BMPR2: variants seen among roughly 807,000 people sequenced by gnomAD.
BMPR2 encodes bone morphogenetic protein receptor type 2.
BMPR2 carries 29 observed loss-of-function variants against 100.8 expected under a neutral mutation model. The observed-to-expected ratio is 0.29, with a 90% CI of 0.21 to 0.39. The LOEUF is 0.39. BMPR2 is among the 10% of genes least tolerant of loss of function. The pLI, the probability that BMPR2 is intolerant of heterozygous loss-of-function variation, is 1.00. For synonymous variants in BMPR2, 382 were observed against 442.3 expected (o/e 0.86, Z 1.71); for missense variants, 1,011 against 1,274.5 (o/e 0.79, Z 3.15).
At chr2:202,480,953 TAAAAAAAA>T (rs71035011) in intron 3 of BMPR2, among the ~76,000 whole-genome samples, 2 of 43,348 alleles carry the variant, frequency 4.6e-5, no homozygotes, top group African/African-American at 1.0e-4. Flanking sequence ...AGACTCCGTC[TAAAAAAAA>T]AAAAAAAAAA....
At chr2:202,482,441 A>G (rs945238245) in intron 3 of BMPR2, among the ~76,000 whole-genome samples, 11 of 151,982 alleles carry the variant, frequency 7.2e-5, no homozygotes, top group African/African-American at 2.7e-4. Context: ...TGGCACGATC[A>G]TAGCTCACTG....
rs561974813 is a variant in BMPR2, at chr2:202,555,540, C to T, written c.1875C>T (p.Gly625=). 2.6e-5 allele frequency: 42 copies of T among 1,614,152 alleles called. No homozygotes were observed. The East Asian group carries it at 8.5e-4, about 33-fold the overall frequency. The change falls in exon 12 of 13, where the codon GGC becomes GGT. Residue 625 remains glycine (G), a synonymous_variant. Coordinates refer to ENST00000374580, the MANE Select transcript of BMPR2 (RefSeq NM_001204.7). ...TNTTGLTPST[G]MTTISEMPYP... ...CCACAGGACTCACGCCAAGTACTGG[C>T]ATGACTACTATATCTGAGATGCCAT...
chr2:202,565,559 AAGCCATGCACAC>A lies in BMPR2; in HGVS notation c.*5616_*5627del. On this transcript the variant is annotated 3_prime_UTR_variant, in exon 13 of 13. Coordinates refer to ENST00000374580, the MANE Select transcript of BMPR2 (RefSeq NM_001204.7). ...TATATTCTCATTAGTTATAACTAAA[AAGCCATGCACAC>A]AGAATTGTATATCATTTTGCCATTA... The A allele has an allele frequency of 6.5e-6, 1 of 152,746 alleles. No homozygotes were observed. The highest frequency in any genetic ancestry group is 6.5e-5 in the Admixed American group (1 of 15,308). 9.5% of individuals were successfully genotyped at this position (152,746 alleles called of 1,614,324 possible).
intron 12 of BMPR2, among the ~76,000 whole-genome samples, chr2:202,558,197 C>T (rs1354221286): frequency 1.3e-5 from 2 of 152,172 alleles, no homozygotes; most frequent in Non-Finnish European, 2.9e-5. Context: ...TCTGCAACCT[C>T]TGCCTCCCGG....
intron 1 of BMPR2, 76 bp from the exon 2 acceptor site, chr2:202,464,733 C>T (rs988297260): frequency 2.2e-5 from 30 of 1,347,032 alleles, no homozygotes; most frequent in African/African-American, 7.4e-5. Flanking sequence ...TGAAGTCATT[C>T]GGATAAGACA....
intron 1 of BMPR2, among the ~76,000 whole-genome samples, chr2:202,448,750 C>A (rs1411076311): frequency 6.6e-6 from 1 of 151,918 alleles, no homozygotes; most frequent in African/African-American, 2.4e-5. Context: ...GCCACCGCGC[C>A]CGGCCTCTTT....
intron 3 of BMPR2, among the ~76,000 whole-genome samples, chr2:202,484,474 A>G (rs1411745551): frequency 6.6e-6 from 1 of 150,736 alleles, no homozygotes; most frequent in Non-Finnish European, 1.5e-5. Context: ...GGAGATCGAG[A>G]CCATCCTGGC....
intron 1 of BMPR2, among the ~76,000 whole-genome samples, chr2:202,436,197 T>TA (rs1691610730): frequency 6.6e-6 from 1 of 150,822 alleles, no homozygotes; most frequent in Admixed American, 6.6e-5. Context: ...CTTACGCCTA[T>TA]AATCCCAGCA....
intron 1 of BMPR2, among the ~76,000 whole-genome samples, chr2:202,393,898 A>AGAGAGC (rs1690605914): frequency 9.4e-6 from 1 of 106,182 alleles, no homozygotes; most frequent in African/African-American, 4.1e-5. Flanking sequence ...AGAGAGAGAG[A>AGAGAGC]GAGAGAGAGA....
intron 12 of BMPR2, 134 bp downstream of exon 12, chr2:202,556,665 G>GCCACTGTGCCCCGCCTCAAAT: frequency 8.4e-7 from 1 of 1,188,972 alleles, no homozygotes; most frequent in Non-Finnish European, 1.2e-6. Context: ...ATCCATTTGA[G>GCCACTGTGCCCCGCCTCAAAT]GCGGGGCACA....
chr2:202,404,814 T>C (rs550605481), intron 1 of BMPR2, among the ~76,000 whole-genome samples: 5 of 152,042 alleles, frequency 3.3e-5, no homozygotes, highest in South Asian at 4.2e-4. Flanking sequence ...CCAGTGTCTA[T>C]CGTTCCAATC....
In BMPR2 at chr2:202,560,227, G is replaced by A; in HGVS notation, c.*281G>A. 1 of 371,338 alleles carries A rather than the reference G, an allele frequency of 2.7e-6. No individual in the cohort carries two copies. The highest frequency in any genetic ancestry group is 4.9e-6 in the Non-Finnish European group (1 of 202,644). The allele number at this position is 371,338 out of a possible 1,614,324, so 23.0% of individuals were successfully genotyped here. A position where few individuals can be genotyped will look rare whatever the true frequency, so the allele number is the denominator to read the frequency against. ...AGTTATATGTGTGTGTATCAAAAGT[G>A]GTCTCAAAATATTTTTTTAAGAAAA... On this transcript the variant is annotated 3_prime_UTR_variant, in exon 13 of 13. Transcript: ENST00000374580.
At chr2:202,506,893 T>G (rs1404091810) in intron 3 of BMPR2, among the ~76,000 whole-genome samples, 1 of 151,118 alleles carries the variant, frequency 6.6e-6, no homozygotes, top group Non-Finnish European at 1.5e-5. Flanking sequence ...AGAGCGAAAC[T>G]CTGTCTCAAA....
At chr2:202,554,388 A>G (rs1688527883) in intron 11 of BMPR2, among the ~76,000 whole-genome samples, 1 of 152,112 alleles carries the variant, frequency 6.6e-6, no homozygotes, top group Non-Finnish European at 1.5e-5. Context: ...TTCTGCATGC[A>G]TCTTCTCATC....
chr2:202,393,882 C>CGAGAGCGAGAGCGA (rs1212615683), intron 1 of BMPR2, among the ~76,000 whole-genome samples: 2 of 97,870 alleles, frequency 2.0e-5, no homozygotes, highest in African/African-American at 7.2e-5. Context: ...AATGAGAGAG[C>CGAGAGCGAGAGCGA]GAGAGAGAGA....
chr2:202,551,042 C>T (rs1403811328), intron 10 of BMPR2, among the ~76,000 whole-genome samples: 2 of 149,462 alleles, frequency 1.3e-5, no homozygotes, highest in Non-Finnish European at 3.0e-5. Context: ...CTCCAACATC[C>T]GCCTCCTGGG....
intron 2 of BMPR2, among the ~76,000 whole-genome samples, chr2:202,466,471 G>A (rs1692324861): frequency 6.6e-6 from 1 of 151,950 alleles, no homozygotes; most frequent in Non-Finnish European, 1.5e-5. Context: ...ATTCTTAGTG[G>A]AGATAGAGTT....
intron 6 of BMPR2, 141 bp from the exon 7 acceptor site, chr2:202,519,946 A>G: frequency 1.5e-6 from 1 of 648,332 alleles, no homozygotes; most frequent in Non-Finnish European, 2.7e-6. Flanking sequence ...CTCTTTCAAG[A>G]TTCTGAAATG....
chr2:202,446,901 C>T (rs763245682), intron 1 of BMPR2, among the ~76,000 whole-genome samples: 12 of 148,952 alleles, frequency 8.1e-5, no homozygotes, highest in Non-Finnish European at 1.5e-4. Flanking sequence ...CCACTCACTG[C>T]GACCTCCCAA....
Sources: allele counts gnomAD v4.1 joint callset (sites outside exome capture counted in the v4.1 genomes callset), GRCh38; gene constraint gnomAD v4.1.1; transcripts MANE v1.5; gene names NCBI Gene and HGNC (gene_info 2026-07-23, HGNC 2026-07-21).